ROBO2: variants seen among roughly 807,000 people sequenced by gnomAD.
The protein encoded by ROBO2 is roundabout homolog 2.
ROBO2 carries 53 observed loss-of-function variants against 160.8 expected under a neutral mutation model. That is an observed-to-expected ratio of 0.33 (90% CI 0.26 to 0.41). ROBO2 has a LOEUF of 0.41. ROBO2 is among the 10% of genes least tolerant of loss of function. The probability of loss-of-function intolerance (pLI) is 1.00; values close to 1 mark genes in which losing one functional copy is unlikely to be tolerated. For missense variants in ROBO2, 1,577 were observed against 1,722.4 expected (o/e 0.92, Z 1.49); for synonymous variants, 664 against 611.7 (o/e 1.09, Z -1.26).
chr3:77,317,158 C>T, intron 2 of ROBO2: 1 of 1,024,204 alleles, frequency 9.8e-7, no homozygotes, highest in Admixed American at 1.7e-5. Context: ...GGTACCCAGC[C>T]AGCCAGCCCT....
rs75123665 is a variant in ROBO2, at chr3:76,574,724, G to A, written c.110-523290G>A. Among the ~76,000 whole-genome samples, 318 of 152,058 alleles carry A rather than the reference G, an allele frequency of 2.1e-3. 4 individuals are homozygous for A. The South Asian group carries it at 0.026, about 13-fold the overall frequency. On this transcript the variant is annotated intron_variant, in intron 2 of 26. Coordinates refer to the ROBO2 transcript ENST00000487694. ...CTAAATACATCTGTGAAATAGAACC[G>A]GGCTTCTCAAACTTTAATGTGTAAA...
intron 2 of ROBO2, among the ~76,000 whole-genome samples, chr3:76,593,310 ATT>A (rs1578382921): frequency 6.6e-6 from 1 of 152,164 alleles, no homozygotes; most frequent in East Asian, 1.9e-4. Flanking sequence ...GATCATCAAG[ATT>A]GGCTAATGAC....
intron 2 of ROBO2, among the ~76,000 whole-genome samples, chr3:76,339,828 TATTA>T (rs1298141007): frequency 6.6e-6 from 1 of 152,168 alleles, no homozygotes; most frequent in Non-Finnish European, 1.5e-5. Context: ...TCTCCAAGTT[TATTA>T]ATTTGTAGGA....
intron 2 of ROBO2, among the ~76,000 whole-genome samples, chr3:77,449,050 T>C (rs1278626843): frequency 6.6e-6 from 1 of 152,122 alleles, no homozygotes; most frequent in East Asian, 1.9e-4. Context: ...AAAAGAAAGG[T>C]AAACATTTCT....
intron 2 of ROBO2, among the ~76,000 whole-genome samples, chr3:76,868,216 T>G (rs2071589067): frequency 1.3e-5 from 2 of 152,204 alleles, no homozygotes; most frequent in African/African-American, 4.8e-5. Flanking sequence ...TAATTTCTGA[T>G]TTTTTATTTT....
intron 1 of ROBO2, among the ~76,000 whole-genome samples, chr3:77,074,421 C>G (rs1438368141): frequency 1.3e-5 from 2 of 152,098 alleles, no homozygotes; most frequent in Non-Finnish European, 2.9e-5. Flanking sequence ...AACACTAATG[C>G]AATTAGTACA....
At chr3:77,469,597 A>T (rs2083145321) in intron 2 of ROBO2, among the ~76,000 whole-genome samples, 1 of 152,096 alleles carries the variant, frequency 6.6e-6, no homozygotes, top group Non-Finnish European at 1.5e-5. Flanking sequence ...AATTTGTGCT[A>T]CCAGTTTTTT....
intron 2 of ROBO2, among the ~76,000 whole-genome samples, chr3:76,567,654 C>CATACACAT (rs1259065851): frequency 4.8e-5 from 2 of 41,638 alleles, no homozygotes; most frequent in African/African-American, 1.6e-4. Flanking sequence ...TATATATATA[C>CATACACAT]ACATACACAT....
intron 2 of ROBO2, among the ~76,000 whole-genome samples, chr3:75,994,649 T>C (rs915317208): frequency 1.6e-4 from 25 of 152,222 alleles, no homozygotes; most frequent in Admixed American, 1.4e-3. Flanking sequence ...GGTATTTCCT[T>C]ATAGCAATGT....
At chr3:77,279,529 C>G (rs749452491) in intron 2 of ROBO2, among the ~76,000 whole-genome samples, 1 of 152,018 alleles carries the variant, frequency 6.6e-6, no homozygotes, top group East Asian at 1.9e-4. Context: ...TTTTAACATG[C>G]AAATATTTTA....
chr3:76,338,244 CAT>C (rs1470607483), intron 2 of ROBO2, among the ~76,000 whole-genome samples: 1 of 152,166 alleles, frequency 6.6e-6, no homozygotes, highest in Non-Finnish European at 1.5e-5. Flanking sequence ...CCCCTTCTCA[CAT>C]GTTTCTACCA....
intron 2 of ROBO2, among the ~76,000 whole-genome samples, chr3:76,647,793 T>C (rs2091053210): frequency 6.6e-6 from 1 of 151,260 alleles, no homozygotes; most frequent in African/African-American, 2.4e-5. Flanking sequence ...GAAAAAAAAA[T>C]GGGGGAAAGA....
At chr3:77,445,190 C>A (rs1167193099) in intron 2 of ROBO2, among the ~76,000 whole-genome samples, 1 of 151,950 alleles carries the variant, frequency 6.6e-6, no homozygotes, top group African/African-American at 2.4e-5. Flanking sequence ...GCACCTGGCC[C>A]ACAGCATCAT....
chr3:77,340,899 A>G (rs971036312), intron 2 of ROBO2, among the ~76,000 whole-genome samples: 2 of 152,152 alleles, frequency 1.3e-5, no homozygotes, highest in Non-Finnish European at 2.9e-5. Flanking sequence ...GTTTAGCTTT[A>G]GGTTCTGTAG....
At chr3:75,971,124 A>G (rs932248772) in intron 2 of ROBO2, among the ~76,000 whole-genome samples, 3 of 151,422 alleles carry the variant, frequency 2.0e-5, no homozygotes, top group African/African-American at 7.3e-5. Context: ...GACATAAACA[A>G]TTAGATGTGA....
At chr3:77,557,911 G>A (rs1175942656) in intron 8 of ROBO2, 33 bp from the exon 10 acceptor site, 3 of 1,487,234 alleles carry the variant, frequency 2.0e-6, no homozygotes, top group Non-Finnish European at 2.7e-6. Flanking sequence ...CTACATTGAT[G>A]TTAAAATACC....
At chr3:76,368,139 T>C (rs1047720234) in intron 2 of ROBO2, among the ~76,000 whole-genome samples, 28 of 151,824 alleles carry the variant, frequency 1.8e-4, no homozygotes, top group African/African-American at 6.5e-4. Flanking sequence ...AATAAAAAGG[T>C]AAGGTGTATA....
intron 2 of ROBO2, among the ~76,000 whole-genome samples, chr3:76,692,153 G>A (rs1255011261): frequency 6.6e-6 from 1 of 152,092 alleles, no homozygotes; most frequent in East Asian, 1.9e-4. Context: ...ACAAGGTTGG[G>A]GGAATTAGCT....
rs1467771682 is a variant in ROBO2 at position 76,476,839 on chromosome 3, A to AT, written c.109+539238dup. Reference sequence around the variant, plus strand: ...ACCTAATTTATATTCTTGGGAAAAAATGGAAAAAAAATGATTTTATAGAAC... The same window carrying AT: ...ACCTAATTTATATTCTTGGGAAAAAATTGGAAAAAAAATGATTTTATAGAAC... On this transcript the variant is annotated intron_variant, in intron 2 of 26. Transcript: ENST00000487694. Among the ~76,000 whole-genome samples, 6 of 124,084 alleles carry AT rather than the reference A, an allele frequency of 4.8e-5. No individual in the cohort carries two copies. The South Asian group carries it at 1.6e-3, about 33-fold the overall frequency. The allele number at this position is 124,084 out of a possible 152,430, so 81.4% of individuals were successfully genotyped here. A position where few individuals can be genotyped will look rare whatever the true frequency, so the allele number is the denominator to read the frequency against.
Sources: gnomAD v4.1 joint callset for allele counts (sites outside exome capture counted in the v4.1 genomes callset) on GRCh38, gnomAD v4.1.1 for gene constraint, MANE v1.5 for transcripts, NCBI Gene and HGNC (gene_info 2026-07-23, HGNC 2026-07-21) for gene names.